CALB2: variants seen among roughly 807,000 people sequenced by gnomAD.
The protein encoded by CALB2 is calretinin.
Under a neutral mutation model 45.9 loss-of-function variants are expected in CALB2, and 34 were observed. That is an observed-to-expected ratio of 0.74 (90% CI 0.56 to 0.99). The LOEUF is 0.99. Ranked by LOEUF, CALB2 falls within the 50% of genes least tolerant of loss-of-function variation. CALB2 has a pLI of 0.00. For missense variants in CALB2, 344 were observed against 339.3 expected, an observed-to-expected ratio of 1.01 and a Z score of -0.11; for synonymous variants, 142 against 129.6, an observed-to-expected ratio of 1.10 and a Z score of -0.65.
intron 2 of CALB2, among the ~76,000 whole-genome samples, chr16:71,374,421 G>T (rs1473662692): frequency 6.6e-6 from 1 of 152,186 alleles, no homozygotes; most frequent in Non-Finnish European, 1.5e-5. Flanking sequence ...TCTCACATCT[G>T]AGTGATGGGA....
chr16:71,367,057 G>A (rs2042295395), intron 1 of CALB2, among the ~76,000 whole-genome samples: 1 of 151,994 alleles, frequency 6.6e-6, no homozygotes, highest in Non-Finnish European at 1.5e-5. Flanking sequence ...TTCACTGAGG[G>A]GTGAAGCCTC....
At chr16:71,364,514 T>G (rs1317646225) in intron 1 of CALB2, among the ~76,000 whole-genome samples, 1 of 152,170 alleles carries the variant, frequency 6.6e-6, no homozygotes, top group Non-Finnish European at 1.5e-5. Flanking sequence ...TCCCAGGCCC[T>G]CCTTTGCCAA....
chr16:71,380,287 CTTTTCTTTTTTTTTTT>C (rs2042473746), intron 4 of CALB2, among the ~76,000 whole-genome samples: 17 of 87,114 alleles, frequency 2.0e-4, no homozygotes, highest in Non-Finnish European at 2.5e-4. Context: ...TCTTTCCTTC[CTTTTCTTTTTTTTTTT>C]TTTTTTTTTT....
At chr16:71,362,298 G>C (rs2042244265) in intron 1 of CALB2, among the ~76,000 whole-genome samples, 1 of 152,178 alleles carries the variant, frequency 6.6e-6, no homozygotes, top group Non-Finnish European at 1.5e-5. Flanking sequence ...CAAAGTTGTG[G>C]CTCCAAAGAG....
chr16:71,369,770 A>C (rs1195911648), intron 1 of CALB2, among the ~76,000 whole-genome samples: 1 of 43,950 alleles, frequency 2.3e-5, no homozygotes, highest in Admixed American at 3.4e-4. Context: ...CTGACTCTAC[A>C]AAGCCTCCGA....
chr16:71,358,803 C>CGCA lies in CALB2; in HGVS notation c.20_22dup (p.Gln7dup). The CGCA allele has an allele frequency of 6.2e-7, 1 of 1,607,216 alleles. No individual in the cohort carries two copies. Among genetic ancestry groups the CGCA allele is most frequent in the East Asian group, 2.2e-5 (1 of 44,540 alleles). ...TCCGAGCGGCTCGCCATGGCTGGCC[C>CGCA]GCAGCAGCAGCCCCCTTACCTGCAC... On this transcript the variant is annotated inframe_insertion, in exon 1 of 11. Transcript: ENST00000302628.
intron 5 of CALB2, 86 bp from the exon 6 acceptor site, chr16:71,383,281 G>A: frequency 8.4e-7 from 1 of 1,186,290 alleles, no homozygotes; most frequent in East Asian, 2.5e-5. Context: ...CACACATTGA[G>A]AGACTGTCTG....
chr16:71,382,861 C>T lies in CALB2; in HGVS notation c.399+86C>T, dbSNP rs1248127769. On this transcript the variant is annotated intron_variant, in intron 5 of 10. Coordinates refer to ENST00000302628, the MANE Select transcript of CALB2 (RefSeq NM_001740.5). ...GAGGGAGGAGATGTTGGATGAGGGG[C>T]ATGAGTTTGCGGGCTGCTTAGGAAT... The T allele has an allele frequency of 4.9e-6, 6 of 1,232,752 alleles. No individual in the cohort carries two copies. In the East Asian group the frequency reaches 1.2e-4, roughly 24 times the overall value. The allele number at this position is 1,232,752 out of a possible 1,614,324, so 76.4% of individuals were successfully genotyped here. A position where few individuals can be genotyped will look rare whatever the true frequency, so the allele number is the denominator to read the frequency against.
In CALB2 at chr16:71,380,221, T is replaced by A. The variant is rs191527776; in HGVS notation, c.342+2474T>A. Among the ~76,000 whole-genome samples, 25 of 148,880 alleles carry A rather than the reference T, an allele frequency of 1.7e-4. No individual in the cohort carries two copies. In the East Asian group the frequency reaches 5.1e-3, roughly 30 times the overall value. ...CCGGACCCTTTTCTCTTTCTCAAAA[T>A]CATTAGTGGCTTCTCTCTGTGCAGC... On this transcript the variant is annotated intron_variant, in intron 4 of 10. Transcript: ENST00000302628.
rs937946693 is a variant in CALB2, at chr16:71,379,184, G to A, written c.342+1437G>A. 2.6e-5 allele frequency among the ~76,000 whole-genome samples: 4 copies of A among 152,148 alleles called. No homozygotes were observed. The East Asian group carries it at 5.8e-4, about 22-fold the overall frequency. On this transcript the variant is annotated intron_variant, in intron 4 of 10. Coordinates refer to ENST00000302628, the MANE Select transcript of CALB2 (RefSeq NM_001740.5). ...CCCAGCTACTCAGGAGGCTGAGGCA[G>A]GAGAATCGCTTGAACCAGGCAGGCA...
chr16:71,382,057 A>AGGAGGAGGG (rs2042500180), intron 4 of CALB2, among the ~76,000 whole-genome samples: 2 of 90,382 alleles, frequency 2.2e-5, no homozygotes, highest in South Asian at 5.5e-4. Context: ...GAGGAGGAGG[A>AGGAGGAGGG]GAGGGGGAGG....
At chr16:71,384,249 G>A in intron 7 of CALB2, 90 bp from the exon 8 acceptor site, 2 of 1,147,966 alleles carry the variant, frequency 1.7e-6, no homozygotes, top group South Asian at 1.2e-5. Context: ...AATCATTTCT[G>A]TAACTGCAGG....
At chr16:71,372,929 C>A (rs954443758) in intron 2 of CALB2, among the ~76,000 whole-genome samples, 2 of 152,214 alleles carry the variant, frequency 1.3e-5, no homozygotes, top group African/African-American at 4.8e-5. Flanking sequence ...CCAGACGGCA[C>A]TGGCTGGCCT....
chr16:71,368,642 G>A (rs62055048), intron 1 of CALB2, among the ~76,000 whole-genome samples: 15,164 of 152,218 alleles, frequency 0.1, 996 homozygotes, highest in South Asian at 0.17. Flanking sequence ...TGCCTTCTGT[G>A]TCCTGTGCCT....
At chr16:71,374,874 G>A in intron 3 of CALB2, 40 bp downstream of exon 3, 3 of 1,399,308 alleles carry the variant, frequency 2.1e-6, no homozygotes, top group Non-Finnish European at 3.0e-6. Context: ...TGTGGGAGGG[G>A]CCCTGGGTCC....
chr16:71,360,961 T>TC (rs766037095), intron 1 of CALB2, among the ~76,000 whole-genome samples: 1 of 152,012 alleles, frequency 6.6e-6, no homozygotes, highest in Non-Finnish European at 1.5e-5. Context: ...TCCCTCCCAT[T>TC]CCCCCAAAGA....
At chr16:71,375,627 G>A (rs964991121) in intron 3 of CALB2, among the ~76,000 whole-genome samples, 2 of 152,224 alleles carry the variant, frequency 1.3e-5, no homozygotes, top group Non-Finnish European at 2.9e-5. Flanking sequence ...TTGGGATGCT[G>A]CCTTAGGTTG....
intron 2 of CALB2, among the ~76,000 whole-genome samples, chr16:71,373,823 C>A (rs2144971887): frequency 6.6e-6 from 1 of 152,308 alleles, no homozygotes; most frequent in South Asian, 2.1e-4. Flanking sequence ...AGACTATGTA[C>A]CTTTGTAAAT....
chr16:71,385,057 G>A (rs541614648), intron 9 of CALB2, among the ~76,000 whole-genome samples: 110 of 152,298 alleles, frequency 7.2e-4, no homozygotes, highest in Non-Finnish European at 1.0e-3. Context: ...GCCGAGAATC[G>A]TTGGGGGAGG....
Sources: allele counts gnomAD v4.1 joint callset (sites outside exome capture counted in the v4.1 genomes callset), GRCh38; gene constraint gnomAD v4.1.1; transcripts MANE v1.5; gene names NCBI Gene and HGNC (gene_info 2026-07-23, HGNC 2026-07-21).